The following PDZRN4 variants were observed in gnomAD, a reference collection of about 807,000 sequenced individuals.
PDZRN4 encodes PDZ domain-containing RING finger protein 4.
In PDZRN4, 70 loss-of-function variants were observed where a neutral mutation model predicts 99.0. The observed-to-expected ratio is 0.71, with a 90% CI of 0.58 to 0.86. The LOEUF is 0.86. PDZRN4 is among the 40% of genes least tolerant of loss of function. PDZRN4 has a pLI of 0.00. For synonymous variants in PDZRN4, 551 were observed against 501.6 expected (o/e 1.10, Z -1.32); for missense variants, 1,474 against 1,331.2 (o/e 1.11, Z -1.67).
At chr12:41,440,817 GTAAGT>G (rs748014118) in intron 3 of PDZRN4, among the ~76,000 whole-genome samples, 13 of 152,084 alleles carry the variant, frequency 8.5e-5, no homozygotes, top group Non-Finnish European at 1.9e-4. Flanking sequence ...TTTATTCAAA[GTAAGT>G]TATTTATTAA....
Position 41,573,689 on chromosome 12 carries a change from T to C in PDZRN4, c.2910T>C (p.Cys970=), listed in dbSNP as rs1939525892. 1 of 1,613,718 alleles carries C rather than the reference T, an allele frequency of 6.2e-7. No individual in the cohort carries two copies. The highest frequency in any genetic ancestry group is 1.3e-5 in the African/African-American group (1 of 74,846). The part of the protein sequence containing the change: ...REFMMRSRLE[C]LKESPQSGSE... ...TCATGATGCGAAGCAGGTTAGAGTG[T>C]CTCAAGGAGAGCCCTCAGAGCGGCA... The change falls in exon 10 of 10, where the codon TGT becomes TGC. Residue 970 remains cysteine, a synonymous_variant. Coordinates refer to ENST00000402685, the MANE Select transcript of PDZRN4 (RefSeq NM_001164595.2).
intron 3 of PDZRN4, among the ~76,000 whole-genome samples, chr12:41,398,542 T>C (rs1301591148): frequency 6.6e-6 from 1 of 152,198 alleles, no homozygotes; most frequent in African/African-American, 2.4e-5. Flanking sequence ...AAAAGATTCA[T>C]GGTGATATAT....
intron 3 of PDZRN4, among the ~76,000 whole-genome samples, chr12:41,198,637 C>A (rs1005819060): frequency 4.0e-5 from 6 of 148,646 alleles, no homozygotes; most frequent in Non-Finnish European, 7.4e-5. Context: ...GGAGGGATAG[C>A]ATTAGGAGAT....
intron 3 of PDZRN4, among the ~76,000 whole-genome samples, chr12:41,417,423 T>TTA (rs1160863): frequency 0.55 from 84,195 of 151,874 alleles, 24,746 homozygotes; most frequent in African/African-American, 0.77. Context: ...TTTAGGAGAT[T>TTA]TATATGATGA....
chr12:41,499,628 A>G (rs1032062217), intron 3 of PDZRN4, among the ~76,000 whole-genome samples: 1 of 152,110 alleles, frequency 6.6e-6, no homozygotes, highest in Non-Finnish European at 1.5e-5. Flanking sequence ...AGGAAAAAGC[A>G]GTTGCAACAG....
intron 5 of PDZRN4, among the ~76,000 whole-genome samples, chr12:41,541,733 G>A (rs1447127606): frequency 6.6e-6 from 1 of 151,924 alleles, no homozygotes; most frequent in African/African-American, 2.4e-5. Context: ...GATTACAGGC[G>A]TGAGCCACCA....
At chr12:41,475,433 A>G (rs1463507293) in intron 3 of PDZRN4, among the ~76,000 whole-genome samples, 1 of 152,218 alleles carries the variant, frequency 6.6e-6, no homozygotes, top group Non-Finnish European at 1.5e-5. Flanking sequence ...TTCAGTAGTT[A>G]GAATCAATAT....
chr12:41,228,280 T>G (rs1951008420), intron 3 of PDZRN4, among the ~76,000 whole-genome samples: 1 of 152,136 alleles, frequency 6.6e-6, no homozygotes, highest in South Asian at 2.1e-4. Context: ...GTCATCATAA[T>G]TATCTTAAAG....
chr12:41,208,941 C>T (rs998994049), intron 3 of PDZRN4, among the ~76,000 whole-genome samples: 8 of 151,600 alleles, frequency 5.3e-5, no homozygotes, highest in African/African-American at 1.7e-4. Context: ...CTTGTTCATG[C>T]TATAGGAATT....
chr12:41,447,595 C>G (rs931476816), intron 3 of PDZRN4, among the ~76,000 whole-genome samples: 1 of 152,090 alleles, frequency 6.6e-6, no homozygotes, highest in Non-Finnish European at 1.5e-5. Context: ...ACAGGCATTA[C>G]ATAAATGGTA....
intron 3 of PDZRN4, among the ~76,000 whole-genome samples, chr12:41,439,656 G>C (rs1952660488): frequency 6.6e-6 from 1 of 152,046 alleles, no homozygotes. Flanking sequence ...GCCTTCAAGT[G>C]CTTCCTAAAT....
Position 41,197,915 on chromosome 12 carries a change from T to C in PDZRN4, c.843+3727T>C, listed in dbSNP as rs1234456355. ...TCTTCTTCTTCTTTTCCTTGTTTTT[T>C]CTGGGTTTTTTTTTTTGGAGACAGG... On this transcript the variant is annotated intron_variant, in intron 3 of 9. Coordinates refer to ENST00000402685, the MANE Select transcript of PDZRN4 (RefSeq NM_001164595.2). Among the ~76,000 whole-genome samples, 26 of 53,142 alleles carry C rather than the reference T, an allele frequency of 4.9e-4. 1 individual carries two copies. Among genetic ancestry groups the C allele is most frequent in the African/African-American group, 1.7e-3 (26 of 15,740 alleles). 34.9% of individuals were successfully genotyped at this position (53,142 alleles called of 152,430 possible).
chr12:41,418,029 G>A (rs1052415611), intron 3 of PDZRN4, among the ~76,000 whole-genome samples: 5 of 152,030 alleles, frequency 3.3e-5, no homozygotes, highest in Non-Finnish European at 7.4e-5. Flanking sequence ...ATAATTACAG[G>A]TTTGTATATT....
chr12:41,543,398 T>C (rs1016503565), intron 5 of PDZRN4, among the ~76,000 whole-genome samples: 1 of 152,014 alleles, frequency 6.6e-6, no homozygotes, highest in African/African-American at 2.4e-5. Context: ...AGTTGCTGAG[T>C]GACCTTAAAT....
intron 3 of PDZRN4, chr12:41,411,471 G>C (rs1029068961): frequency 2.0e-5 from 3 of 152,186 alleles, no homozygotes; most frequent in Non-Finnish European, 2.9e-5. Context: ...AGTGAGAACT[G>C]TCATTGATCA....
intron 3 of PDZRN4, among the ~76,000 whole-genome samples, chr12:41,252,602 T>C (rs1017747820): frequency 1.3e-5 from 2 of 152,098 alleles, no homozygotes; most frequent in African/African-American, 2.4e-5. Context: ...TAGCTTGATA[T>C]GATGGCACAC....
intron 3 of PDZRN4, among the ~76,000 whole-genome samples, chr12:41,325,909 A>G (rs1340379814): frequency 6.6e-6 from 1 of 152,190 alleles, no homozygotes; most frequent in East Asian, 1.9e-4. Flanking sequence ...GAATAATTCC[A>G]TTGGGGATGT....
chr12:41,190,821 A>C (rs1404824680), intron 1 of PDZRN4, among the ~76,000 whole-genome samples: 1 of 152,180 alleles, frequency 6.6e-6, no homozygotes, highest in Non-Finnish European at 1.5e-5. Flanking sequence ...GCTATAATTC[A>C]TATTTGTTTT....
intron 3 of PDZRN4, among the ~76,000 whole-genome samples, chr12:41,260,164 A>G (rs73120947): frequency 2.0e-5 from 3 of 152,122 alleles, no homozygotes; most frequent in African/African-American, 7.2e-5. Flanking sequence ...TCTTTTGGCC[A>G]ATTCTTTGGA....
Sources: gnomAD v4.1 joint callset for allele counts (sites outside exome capture counted in the v4.1 genomes callset) on GRCh38, gnomAD v4.1.1 for gene constraint, MANE v1.5 for transcripts, NCBI Gene and HGNC (gene_info 2026-07-23, HGNC 2026-07-21) for gene names.